UNC13A: variants seen among roughly 807,000 people sequenced by gnomAD.
UNC13A encodes unc-13 homolog A.
A neutral mutation model predicts 219.7 loss-of-function variants in UNC13A; 61 were observed. That is an observed-to-expected ratio of 0.28 (90% CI 0.23 to 0.34). UNC13A has a LOEUF of 0.34. Ranked by LOEUF, UNC13A falls within the 10% of genes least tolerant of loss-of-function variation. UNC13A has a pLI of 1.00. For missense variants in UNC13A, 1,476 were observed against 2,270.3 expected (o/e 0.65, Z 7.11); for synonymous variants, 920 against 884.6 (o/e 1.04, Z -0.71).
At chr19:17,676,562 A>C (rs1201029451) in intron 1 of UNC13A, among the ~76,000 whole-genome samples, 1 of 152,172 alleles carries the variant, frequency 6.6e-6, no homozygotes, top group African/African-American at 2.4e-5. Context: ...GAGGATAAAG[A>C]CAATCTCTGA....
At position 17,686,298 on chromosome 19, in the gene UNC13A, GCC is replaced by G. The variant is rs533722538; in HGVS notation, c.22+1878_22+1879del. On this transcript the variant is annotated intron_variant, in intron 1 of 43. Transcript: ENST00000519716. ...CGTCAGAGTTAAGGGTGAGATCCCC[GCC>G]CCCCCCCCCCCCCCCCCACTCCACT... Among the ~76,000 whole-genome samples the G allele has an allele frequency of 3.7e-4, 30 of 81,804 alleles. No individual in the cohort carries two copies. The East Asian group carries it at 5.2e-3, about 14-fold the overall frequency. 53.7% of individuals were successfully genotyped at this position (81,804 alleles called of 152,430 possible). A position where few individuals can be genotyped will look rare whatever the true frequency, so the allele number is the denominator to read the frequency against.
At position 17,656,084 on chromosome 19, in the gene UNC13A, C is replaced by A. The variant is rs763613199; in HGVS notation, c.1082G>T (p.Arg361Leu). 1 of 1,553,320 alleles carries A rather than the reference C, an allele frequency of 6.4e-7. No individual in the cohort carries two copies. Among genetic ancestry groups the A allele is most frequent in the Non-Finnish European group, 8.7e-7 (1 of 1,147,750 alleles). Reference protein sequence around the residue: ...VPDDLGSYAQREDVAVAEPKD... With the variant: ...VPDDLGSYAQLEDVAVAEPKD... The stretch of plus-strand genomic sequence containing the variant: ...GGGCTCAGCCACAGCTACGTCTTCA[C>A]GCTGGGCATAGCTGCCCAAATCGTC... Residue 361 changes from arginine (R) to leucine (L), a missense_variant, in exon 10 of 44, where the codon CGT becomes CTT. This residue lies in a region of UNC13A where 351 missense variants were observed against 342.6 expected (regional missense o/e 1.02). Transcript: ENST00000519716.
Position 17,621,900 on chromosome 19 carries a change from C to T in UNC13A, c.4204-30G>A, listed in dbSNP as rs2076733282. The T allele has an allele frequency of 1.9e-6, 3 of 1,613,700 alleles. No individual in the cohort carries two copies. The East Asian group carries it at 6.7e-5, about 36-fold the overall frequency. On this transcript the variant is annotated intron_variant, in intron 36 of 43. Coordinates refer to ENST00000519716, the MANE Select transcript of UNC13A (RefSeq NM_001080421.3). ...AGAGATAATGTCACAGGGTGATCAA[C>T]CTGGCAAGTCGTGCAGGGTGGGAAG...
chr19:17,655,427 C>G (rs747852491), intron 10 of UNC13A, 45 bp from the exon 11 acceptor site: 7 of 1,438,000 alleles, frequency 4.9e-6, no homozygotes, highest in Non-Finnish European at 5.7e-6. Context: ...CTCTCCGTGA[C>G]CCCTGAACTT....
intron 41 of UNC13A, among the ~76,000 whole-genome samples, chr19:17,615,429 T>C (rs137889491): frequency 3.1e-4 from 47 of 151,628 alleles, no homozygotes; most frequent in Middle Eastern, 6.8e-3. Context: ...TCCTAGCACT[T>C]TGGAAGGCCG....
chr19:17,605,087 GAAGGA>G lies in UNC13A; in HGVS notation c.*962_*966del, dbSNP rs1362391403. ...GCAAAGGTCCTGCTTGGCAGCCGGA[GAAGGA>G]AAGGCGAAGTAGGGGTCTTGGCCTG... On this transcript the variant is annotated 3_prime_UTR_variant, in exon 44 of 44. Coordinates refer to ENST00000519716, the MANE Select transcript of UNC13A (RefSeq NM_001080421.3). 2 of 152,740 alleles carry G rather than the reference GAAGGA, an allele frequency of 1.3e-5. No individual in the cohort carries two copies. The highest frequency in any genetic ancestry group is 2.9e-5 in the Non-Finnish European group (2 of 68,102). The allele number at this position is 152,740 out of a possible 1,614,324, so 9.5% of individuals were successfully genotyped here.
chr19:17,620,523 C>A (rs1173079476), intron 38 of UNC13A, among the ~76,000 whole-genome samples, 170 bp downstream of exon 38: 1 of 151,886 alleles, frequency 6.6e-6, no homozygotes, highest in East Asian at 1.9e-4. Context: ...ACCAACCCCC[C>A]ACCCACCACC....
At chr19:17,645,091 C>A (rs2077011543) in intron 19 of UNC13A, among the ~76,000 whole-genome samples, 1 of 147,980 alleles carries the variant, frequency 6.8e-6, no homozygotes, top group South Asian at 2.2e-4. Context: ...TCACTGCAAC[C>A]TCCGCTTCCT....
At chr19:17,637,447 G>A (rs1419340410) in intron 25 of UNC13A, among the ~76,000 whole-genome samples, 1 of 151,930 alleles carries the variant, frequency 6.6e-6, no homozygotes, top group Non-Finnish European at 1.5e-5. Context: ...ACAGGTGCCC[G>A]CCACCACGCC....
At chr19:17,634,726 G>A (rs143339129) in intron 26 of UNC13A, among the ~76,000 whole-genome samples, 8,147 of 149,846 alleles carry the variant, frequency 0.054, 248 homozygotes, top group Non-Finnish European at 0.073. Flanking sequence ...ACGGAGTCTC[G>A]CTCTGTCACC....
Position 17,627,759 on chromosome 19 carries a change from G to T in UNC13A, c.3831+104C>A. On this transcript the variant is annotated intron_variant, in intron 32 of 43. Transcript: ENST00000519716. This position sits in a 1 kb window ranked among gnomAD's most constrained non-coding sequence, Gnocchi z 4.7. ...TGGGTTTAAGGCCATGGTTGAGCTG[G>T]AATTCATCCCCAGGCCTGGTGGCAT... 7.3e-7 allele frequency: 1 copy of T among 1,365,608 alleles called. No homozygotes were observed. Among genetic ancestry groups the T allele is most frequent in the East Asian group, 2.5e-5 (1 of 40,210 alleles). The allele number at this position is 1,365,608 out of a possible 1,614,324, so 84.6% of individuals were successfully genotyped here.
intron 41 of UNC13A, among the ~76,000 whole-genome samples, chr19:17,613,324 G>A (rs1470150614): frequency 6.6e-6 from 1 of 151,872 alleles, no homozygotes; most frequent in African/African-American, 2.4e-5. Context: ...CAGGAGGATC[G>A]CTTAATCCCA....
intron 12 of UNC13A, 134 bp downstream of exon 12, chr19:17,652,497 T>C: frequency 9.5e-7 from 1 of 1,053,122 alleles, no homozygotes; most frequent in East Asian, 2.4e-5. Flanking sequence ...AGTGACGTAT[T>C]TTGCCCAAGC....
chr19:17,685,852 T>C (rs114441671), intron 1 of UNC13A, among the ~76,000 whole-genome samples: 4,244 of 152,150 alleles, frequency 0.028, 80 homozygotes, highest in African/African-American at 0.051. Context: ...TTTCCTCAGC[T>C]GAGCTCAGGC....
At chr19:17,662,637 A>T (rs1001991261) in intron 8 of UNC13A, among the ~76,000 whole-genome samples, 1 of 152,052 alleles carries the variant, frequency 6.6e-6, no homozygotes, top group African/African-American at 2.4e-5. Flanking sequence ...ACATTTAATT[A>T]GGGCCAGGTG....
intron 41 of UNC13A, among the ~76,000 whole-genome samples, chr19:17,616,971 C>A (rs369986288): frequency 7.9e-5 from 12 of 152,294 alleles, no homozygotes; most frequent in South Asian, 6.2e-4. Context: ...CAGAGAGGGA[C>A]AGGAGACCGA....
At position 17,688,293 on chromosome 19, in the gene UNC13A, C is replaced by G; in HGVS notation, c.-94G>C. ...GGGCTGGGGCATCTCCCGGCTGCAG[C>G]CCGCGCTTGGCTCACGCCGGGGCCC... On this transcript the variant is annotated 5_prime_UTR_variant, in exon 1 of 44. Transcript: ENST00000519716. 1 of 1,353,210 alleles carries G rather than the reference C, an allele frequency of 7.4e-7. No homozygotes were observed. Among genetic ancestry groups the G allele is most frequent in the Middle Eastern group, 2.8e-4 (1 of 3,572 alleles). 83.8% of individuals were successfully genotyped at this position (1,353,210 alleles called of 1,614,324 possible). A position where few individuals can be genotyped will look rare whatever the true frequency, so the allele number is the denominator to read the frequency against.
intron 39 of UNC13A, 80 bp downstream of exon 39, chr19:17,618,820 ACCCCTC>A: frequency 7.8e-7 from 1 of 1,287,242 alleles, no homozygotes; most frequent in South Asian, 1.2e-5. Context: ...TCATCCTGGG[ACCCCTC>A]CCCCAGGATG....
intron 21 of UNC13A, 47 bp downstream of exon 21, chr19:17,641,346 C>T (rs1419530524): frequency 1.3e-6 from 2 of 1,598,814 alleles, no homozygotes; most frequent in East Asian, 2.2e-5. Context: ...CCAGTGCCCA[C>T]TTGGTGACCT....
Sources: gnomAD v4.1 joint callset for allele counts (sites outside exome capture counted in the v4.1 genomes callset) on GRCh38, gnomAD v4.1.1 for gene constraint, gnomAD v4.1.1 regional missense constraint, Gnocchi (gnomAD v3.1) non-coding constraint, MANE v1.5 for transcripts, NCBI Gene and HGNC (gene_info 2026-07-23, HGNC 2026-07-21) for gene names.